The following SLC4A3 variants were observed in gnomAD, a reference collection of about 807,000 sequenced individuals.
The protein encoded by SLC4A3 is anion exchange protein 3.
In SLC4A3, 47 loss-of-function variants were observed where a neutral mutation model predicts 114.2. The ratio of observed to expected loss-of-function variants is 0.41; its 90% CI spans 0.33 to 0.52. The LOEUF is 0.52. Among genes scored for constraint, SLC4A3 ranks in the 20% least tolerant of loss-of-function variants. SLC4A3 has a pLI of 0.21. For missense variants in SLC4A3, 1,312 were observed against 1,668.3 expected (o/e 0.79, Z 3.72); for synonymous variants, 693 against 710.3 (o/e 0.98, Z 0.39).
In SLC4A3 at chr2:219,627,705, G is replaced by A. The variant is rs1040812742; in HGVS notation, c.-134G>A. ...GGAGAGAGCGCGGGGGACATGGGGC[G>A]CGGCGGCCCGCCTGGGCCTCGCAGG... On this transcript the variant is annotated 5_prime_UTR_variant, in exon 1 of 23. Transcript: ENST00000358055. 1 of 223,492 alleles carries A rather than the reference G, an allele frequency of 4.5e-6. No individual in the cohort carries two copies. The highest frequency in any genetic ancestry group is 8.7e-6 in the Non-Finnish European group (1 of 114,642). 13.8% of individuals were successfully genotyped at this position (223,492 alleles called of 1,614,324 possible).
At position 219,635,307 on chromosome 2, in the gene SLC4A3, C is replaced by A. The variant is rs756834234; in HGVS notation, c.1783C>A (p.Gln595Lys). 4.3e-6 allele frequency: 7 copies of A among 1,614,050 alleles called. No individual in the cohort carries two copies. Among genetic ancestry groups the A allele is most frequent in the Non-Finnish European group, 5.1e-6 (6 of 1,180,032 alleles). ...HEAAYQADDR[Q>K]DLLSAISEFL... ...GGCTGCCTACCAGGCAGATGACCGGCAAGACCTCCTAAGTGCCATCAGCGA... is the reference window on the plus strand; with the variant it reads ...GGCTGCCTACCAGGCAGATGACCGGAAAGACCTCCTAAGTGCCATCAGCGA... Residue 595 changes from glutamine to lysine, a missense_variant, in exon 13 of 23, where the codon CAA (glutamine) becomes AAA (lysine). Coordinates refer to ENST00000358055, the MANE Select transcript of SLC4A3 (RefSeq NM_005070.4).
Position 219,639,428 on chromosome 2 carries a change from G to A in SLC4A3, c.3024-54G>A. 6.3e-7 allele frequency: 1 copy of A among 1,586,356 alleles called. No individual in the cohort carries two copies. The highest frequency in any genetic ancestry group is 8.6e-7 in the Non-Finnish European group (1 of 1,167,598). ...CGTCTCTGTGTGCGTGCCTGTCTTTGTCCCCTGCCCCTGCCAGGCCAGCCA... is the reference window on the plus strand; with the variant it reads ...CGTCTCTGTGTGCGTGCCTGTCTTTATCCCCTGCCCCTGCCAGGCCAGCCA... On this transcript the variant is annotated intron_variant, in intron 19 of 22. Coordinates refer to ENST00000358055, the MANE Select transcript of SLC4A3 (RefSeq NM_005070.4). The surrounding 1 kb of genome is among the most constrained non-coding windows in gnomAD (Gnocchi z 5.9).
At chr2:219,634,284 G>C in intron 11 of SLC4A3, 136 bp from the exon 12 acceptor site, 2 of 822,776 alleles carry the variant, frequency 2.4e-6, no homozygotes, top group Non-Finnish European at 3.9e-6. Flanking sequence ...TAAGCGAATA[G>C]TGCCCTTTTA....
At chr2:219,629,720 C>T in intron 5 of SLC4A3, 25 bp downstream of exon 5, 1 of 1,523,052 alleles carries the variant, frequency 6.6e-7, no homozygotes, top group Non-Finnish European at 9.0e-7. Context: ...CTCTACTCAG[C>T]AGGGCCCAGC....
Position 219,639,758 on chromosome 2 carries a change from C to T in SLC4A3, c.3277+23C>T, listed in dbSNP as rs755917648. On this transcript the variant is annotated intron_variant, in intron 20 of 22. Coordinates refer to ENST00000358055, the MANE Select transcript of SLC4A3 (RefSeq NM_005070.4). The surrounding 1 kb of genome is among the most constrained non-coding windows in gnomAD (Gnocchi z 5.9). ...TGGGTGAGAGCCCGCCTCCACCCTG[C>T]ACACCCCCTTCCTTGGGCCCCACGG... 6 of 1,597,170 alleles carry T rather than the reference C, an allele frequency of 3.8e-6. No individual in the cohort carries two copies. Among genetic ancestry groups the T allele is most frequent in the Non-Finnish European group, 5.1e-6 (6 of 1,176,496 alleles).
chr2:219,640,992 G>A (rs1441602737), intron 22 of SLC4A3, 30 bp downstream of exon 22: 2 of 1,593,778 alleles, frequency 1.3e-6, no homozygotes, highest in Admixed American at 3.4e-5. Flanking sequence ...GGGAAACAGT[G>A]TTAGGGCAAA....
rs776536932 is a variant in SLC4A3, at chr2:219,631,604, G to T, written c.812-364G>T. ...TGTTGAGATAGGGTGCACGGAAAAT[G>T]TTGGGGGCTCAGTGCCTGGGGACTC... On this transcript the variant is annotated intron_variant, in intron 6 of 22. Coordinates refer to ENST00000358055, the MANE Select transcript of SLC4A3 (RefSeq NM_005070.4). This position sits in a 1 kb window ranked among gnomAD's most constrained non-coding sequence, Gnocchi z 6.3. 1.0e-4 allele frequency: 78 copies of T among 765,228 alleles called. No individual in the cohort carries two copies. Among genetic ancestry groups the T allele is most frequent in the Non-Finnish European group, 1.4e-4 (75 of 537,416 alleles). The allele number at this position is 765,228 out of a possible 1,614,324, so 47.4% of individuals were successfully genotyped here.
chr2:219,634,327 C>T lies in SLC4A3; in HGVS notation c.1562-93C>T, dbSNP rs116240196. 1,119 of 1,290,422 alleles carry T rather than the reference C, an allele frequency of 8.7e-4. 10 individuals are homozygous for T. The African/African-American group carries it at 0.015, about 17-fold the overall frequency. The allele number at this position is 1,290,422 out of a possible 1,614,324, so 79.9% of individuals were successfully genotyped here. ...GTTTCTTTGCGCAGTTTACAACCTG[C>T]TCAACTGTCCATGATAGCCCTAGAT... On this transcript the variant is annotated intron_variant, in intron 11 of 22. Transcript: ENST00000358055.
intron 11 of SLC4A3, 100 bp downstream of exon 11, chr2:219,634,079 T>C (rs994413809): frequency 5.1e-6 from 7 of 1,361,740 alleles, no homozygotes; most frequent in Non-Finnish European, 6.8e-6. Flanking sequence ...GCCTCTTCCA[T>C]CTCCCTCCAG....
rs1699206721 is a variant in SLC4A3 at position 219,638,463 on chromosome 2, T to C, written c.2856+210T>C. 6.6e-6 allele frequency among the ~76,000 whole-genome samples: 1 copy of C among 152,166 alleles called. No homozygotes were observed. The highest frequency in any genetic ancestry group is 2.1e-4 in the South Asian group (1 of 4,824). On this transcript the variant is annotated intron_variant, in intron 18 of 22. Coordinates refer to ENST00000358055, the MANE Select transcript of SLC4A3 (RefSeq NM_005070.4). This position sits in a 1 kb window ranked among gnomAD's most constrained non-coding sequence, Gnocchi z 7.5. ...TGTGGGGCTGGGAGCAGAATGACAG[T>C]ATCCCACACAGGTCCCCTGAAGCTC...
chr2:219,635,263 G>T lies in SLC4A3; in HGVS notation c.1747-8G>T. Reference sequence around the variant, plus strand: ...CCCTGAGGGTCCTGGCCCTCTCATTGCCCCCAGCTGTTTCATGAGGCTGCC... The same window carrying T: ...CCCTGAGGGTCCTGGCCCTCTCATTTCCCCCAGCTGTTTCATGAGGCTGCC... On this transcript the variant is annotated splice_polypyrimidine_tract_variant and splice_region_variant and intron_variant, in intron 12 of 22. Transcript: ENST00000358055. 1 of 1,612,952 alleles carries T rather than the reference G, an allele frequency of 6.2e-7. No individual in the cohort carries two copies. Among genetic ancestry groups the T allele is most frequent in the South Asian group, 1.1e-5 (1 of 91,056 alleles).
Position 219,641,536 on chromosome 2 carries a change from A to G in SLC4A3, c.3622-115A>G, listed in dbSNP as rs750935066. The G allele has an allele frequency of 1.2e-5, 10 of 802,596 alleles. No homozygotes were observed. Among genetic ancestry groups the G allele is most frequent in the Non-Finnish European group, 2.1e-5 (10 of 474,668 alleles). 49.7% of individuals were successfully genotyped at this position (802,596 alleles called of 1,614,324 possible). Reference sequence around the variant, plus strand: ...CCACCCAGGGTCATGGTACTTGCAGAGAGGCCCAGGAAAGGTCAGGGAGCA... The same window carrying G: ...CCACCCAGGGTCATGGTACTTGCAGGGAGGCCCAGGAAAGGTCAGGGAGCA... On this transcript the variant is annotated intron_variant, in intron 22 of 22. Transcript: ENST00000358055. The surrounding 1 kb of genome is among the most constrained non-coding windows in gnomAD (Gnocchi z 4.0).
At chr2:219,633,073 C>A in intron 9 of SLC4A3, 64 bp downstream of exon 9, 2 of 1,580,986 alleles carry the variant, frequency 1.3e-6, no homozygotes, top group Non-Finnish European at 8.7e-7. Flanking sequence ...AGCACATCCT[C>A]TTCCAAGTGG....
Position 219,629,163 on chromosome 2 carries a change from C to T in SLC4A3, c.237C>T (p.His79=). ...CCCCAGTTCACCGGCACACATCCCA[C>T]CACACCCACCACCCGCTCTCAGCGC... ...RDFEFHRHTS[H]HTHHPLSARL... Residue 79 remains histidine (H), a synonymous_variant, in exon 4 of 23, where the codon CAC becomes CAT. Coordinates refer to ENST00000358055, the MANE Select transcript of SLC4A3 (RefSeq NM_005070.4). The T allele has an allele frequency of 6.2e-7, 1 of 1,602,832 alleles. No homozygotes were observed. Among genetic ancestry groups the T allele is most frequent in the Non-Finnish European group, 8.5e-7 (1 of 1,174,358 alleles).
At position 219,641,825 on chromosome 2, in the gene SLC4A3, AC is replaced by A; in HGVS notation, c.*100del. 1 of 995,672 alleles carries A rather than the reference AC, an allele frequency of 1.0e-6. No individual in the cohort carries two copies. The highest frequency in any genetic ancestry group is 1.6e-6 in the Non-Finnish European group (1 of 639,246). The allele number at this position is 995,672 out of a possible 1,614,324, so 61.7% of individuals were successfully genotyped here. ...GCCCTGGGCTGGGGGGCTCCTCAGG[AC>A]CCAGAGATGTGCCTGGAACCACTCC... On this transcript the variant is annotated 3_prime_UTR_variant, in exon 23 of 23. Coordinates refer to ENST00000358055, the MANE Select transcript of SLC4A3 (RefSeq NM_005070.4). This position sits in a 1 kb window ranked among gnomAD's most constrained non-coding sequence, Gnocchi z 4.0.
rs1204442186 is a variant in SLC4A3 at position 219,640,973 on chromosome 2, G to A, written c.3621+11G>A. 4 of 1,601,814 alleles carry A rather than the reference G, an allele frequency of 2.5e-6. No homozygotes were observed. The African/African-American group carries it at 5.3e-5, about 21-fold the overall frequency. On this transcript the variant is annotated intron_variant, in intron 22 of 22. Coordinates refer to ENST00000358055, the MANE Select transcript of SLC4A3 (RefSeq NM_005070.4). ...AGGGAGCTGCAGGCGGTAAGGGGGT[G>A]GTGGTCTGGGGAAACAGTGTTAGGG...
In SLC4A3 at chr2:219,630,251, C is replaced by T. The variant is rs1456348856; in HGVS notation, c.710C>T (p.Pro237Leu). 6.2e-7 allele frequency: 1 copy of T among 1,613,464 alleles called. No homozygotes were observed. Among genetic ancestry groups the T allele is most frequent in the Non-Finnish European group, 8.5e-7 (1 of 1,179,954 alleles). Residue 237 changes from proline (P) to leucine (L), a missense_variant, in exon 6 of 23, where the codon CCA (proline) becomes CTA (leucine). Physicochemically the swap from Pro to Leu is moderately conservative, Grantham distance 98 (BLOSUM62 -3). Coordinates refer to ENST00000358055, the MANE Select transcript of SLC4A3 (RefSeq NM_005070.4). This position sits in a 1 kb window ranked among gnomAD's most constrained non-coding sequence, Gnocchi z 6.9. ...ASYDLRERLCPGSALGNPGGP... is the reference protein window; with the variant it reads ...ASYDLRERLCLGSALGNPGGP... The stretch of plus-strand genomic sequence containing the variant: ...TATGACCTGCGGGAGCGACTGTGCC[C>T]AGGCAGTGCCCTGGGCAACCCAGGT...
intron 20 of SLC4A3, 69 bp from the exon 21 acceptor site, chr2:219,640,361 C>G (rs1699283064): frequency 6.5e-7 from 1 of 1,536,352 alleles, no homozygotes; most frequent in Non-Finnish European, 8.9e-7. Context: ...TCTGTGTCAC[C>G]TCTTCCAGGC....
At position 219,634,021 on chromosome 2, in the gene SLC4A3, G is replaced by T. The variant is rs772936896; in HGVS notation, c.1561+42G>T. 6.7e-6 allele frequency: 10 copies of T among 1,499,614 alleles called. No homozygotes were observed. In the African/African-American group the frequency reaches 1.3e-4, roughly 19 times the overall value. The allele number at this position is 1,499,614 out of a possible 1,614,324, so 92.9% of individuals were successfully genotyped here. ...GCCGGGGGCAGGGTCTGCAGTGTGT[G>T]TGTGCCTCTCCTGGGGGCCTGCTTG... On this transcript the variant is annotated intron_variant, in intron 11 of 22. Transcript: ENST00000358055.
Sources: allele counts gnomAD v4.1 joint callset (sites outside exome capture counted in the v4.1 genomes callset), GRCh38; gene constraint gnomAD v4.1.1; non-coding constraint Gnocchi (gnomAD v3.1); transcripts MANE v1.5; gene names NCBI Gene and HGNC (gene_info 2026-07-23, HGNC 2026-07-21).